The following CLYBL variants were observed in gnomAD, a reference collection of about 807,000 sequenced individuals.
The protein encoded by CLYBL is citramalyl-CoA lyase, mitochondrial.
In CLYBL, 31 loss-of-function variants were observed where a neutral mutation model predicts 38.9. That is an observed-to-expected ratio of 0.80 (90% CI 0.60 to 1.08). The LOEUF (loss-of-function observed/expected upper bound fraction) is 1.08. CLYBL is among the 50% of genes least tolerant of loss of function. The pLI, the probability that CLYBL is intolerant of heterozygous loss-of-function variation, is 0.00. For synonymous variants in CLYBL, 171 were observed against 158.6 expected, an observed-to-expected ratio of 1.08 and a Z score of -0.59; for missense variants, 434 against 411.6, an observed-to-expected ratio of 1.05 and a Z score of -0.47.
At chr13:99,612,737 C>T (rs2046647642) in intron 1 of CLYBL, among the ~76,000 whole-genome samples, 1 of 152,036 alleles carries the variant, frequency 6.6e-6, no homozygotes, top group Admixed American at 6.6e-5. Flanking sequence ...TACAGCCATG[C>T]TTGGTGGCTC....
At chr13:99,791,992 C>T (rs1311455945) in intron 2 of CLYBL, among the ~76,000 whole-genome samples, 4 of 152,172 alleles carry the variant, frequency 2.6e-5, no homozygotes, top group South Asian at 4.1e-4. Flanking sequence ...GCCAGAAAAA[C>T]GCCACTTTTC....
rs555974567 is a variant in CLYBL at position 99,877,825 on chromosome 13, G to A, written c.927+6763G>A. The A allele has an allele frequency of 8.0e-5, 13 of 163,204 alleles. No individual in the cohort carries two copies. The South Asian group carries it at 1.5e-3, about 19-fold the overall frequency. 10.1% of individuals were successfully genotyped at this position (163,204 alleles called of 1,614,324 possible). A position where few individuals can be genotyped will look rare whatever the true frequency, so the allele number is the denominator to read the frequency against. ...CTGACCTCATGATCTGCCCACCTCC[G>A]CCTCCCAAAGTGCTGGGATTACAGG... On this transcript the variant is annotated intron_variant, in intron 7 of 8. Transcript: ENST00000339105.
intron 1 of CLYBL, among the ~76,000 whole-genome samples, chr13:99,633,757 C>T (rs1402998582): frequency 6.6e-6 from 1 of 151,922 alleles, no homozygotes; most frequent in African/African-American, 2.4e-5. Context: ...GGTGAAAATA[C>T]ATGAACTAAA....
chr13:99,875,708 A>G (rs1460315454), intron 7 of CLYBL, among the ~76,000 whole-genome samples: 2 of 152,214 alleles, frequency 1.3e-5, no homozygotes, highest in Non-Finnish European at 2.9e-5. Flanking sequence ...ACTATTAGAC[A>G]ACAGTGTATC....
chr13:99,620,250 C>T (rs2046772466), intron 1 of CLYBL, among the ~76,000 whole-genome samples: 1 of 152,192 alleles, frequency 6.6e-6, no homozygotes, highest in African/African-American at 2.4e-5. Flanking sequence ...GAAGTGGATA[C>T]CTGATTTTGG....
intron 2 of CLYBL, among the ~76,000 whole-genome samples, chr13:99,852,802 C>G (rs1031161012): frequency 1.3e-5 from 2 of 152,184 alleles, no homozygotes; most frequent in Admixed American, 6.5e-5. Flanking sequence ...AACCAATATA[C>G]TATACACACC....
intron 3 of CLYBL, among the ~76,000 whole-genome samples, chr13:99,859,490 A>G (rs2051546456): frequency 6.6e-6 from 1 of 152,216 alleles, no homozygotes; most frequent in Admixed American, 6.5e-5. Context: ...CCGCATATGA[A>G]AAAATGAACC....
At chr13:99,606,808 C>G (rs1281148440) in intron 1 of CLYBL, 51 bp downstream of exon 1, 1 of 1,338,800 alleles carries the variant, frequency 7.5e-7, no homozygotes. Flanking sequence ...CGCCGCGGGT[C>G]GGCTCCTGTT....
In CLYBL at chr13:99,712,785, C is replaced by T. The variant is rs149563152; in HGVS notation, c.63-60039C>T. On this transcript the variant is annotated intron_variant, in intron 1 of 8. Transcript: ENST00000339105. ...CTGGAGTCTTCTATCCTGAACTTGTCGCTTTCTAGGCCAGCTGCATTTCTG... is the reference window on the plus strand; with the variant it reads ...CTGGAGTCTTCTATCCTGAACTTGTTGCTTTCTAGGCCAGCTGCATTTCTG... Among the ~76,000 whole-genome samples, 390 of 152,246 alleles carry T rather than the reference C, an allele frequency of 2.6e-3. 1 individual carries two copies. Among genetic ancestry groups the T allele is most frequent in the African/African-American group, 8.8e-3 (365 of 41,548 alleles).
intron 1 of CLYBL, among the ~76,000 whole-genome samples, chr13:99,644,143 GTGGTGTATGTATGTA>G (rs2047138777): frequency 6.6e-6 from 1 of 151,540 alleles, no homozygotes; most frequent in African/African-American, 2.4e-5. Flanking sequence ...GTATGTATAT[GTGGTGTATGTATGTA>G]TATGTGGTGT....
intron 1 of CLYBL, among the ~76,000 whole-genome samples, chr13:99,697,973 G>A (rs76893790): frequency 0.02 from 3,011 of 152,158 alleles, 80 homozygotes; most frequent in African/African-American, 0.068. Flanking sequence ...AAAGCACCAG[G>A]GCAGCAGGGC....
chr13:99,782,034 T>G (rs1319481511), intron 2 of CLYBL, among the ~76,000 whole-genome samples: 2 of 152,250 alleles, frequency 1.3e-5, no homozygotes, highest in Non-Finnish European at 2.9e-5. Context: ...ATATTATTGC[T>G]ATCTACAGTA....
At chr13:99,731,082 CAAAAAA>C (rs764705741) in intron 1 of CLYBL, among the ~76,000 whole-genome samples, 15 of 57,014 alleles carry the variant, frequency 2.6e-4, no homozygotes, top group Admixed American at 7.7e-4. Context: ...GACTCTGTTT[CAAAAAA>C]AAAAAAAAAA....
intron 1 of CLYBL, among the ~76,000 whole-genome samples, chr13:99,702,292 T>G (rs761457333): frequency 6.6e-6 from 1 of 152,126 alleles, no homozygotes; most frequent in African/African-American, 2.4e-5. Flanking sequence ...CACATATTTT[T>G]AAGTCTGCTT....
At chr13:99,844,065 G>A (rs1331723560) in intron 2 of CLYBL, among the ~76,000 whole-genome samples, 3 of 152,242 alleles carry the variant, frequency 2.0e-5, no homozygotes, top group Non-Finnish European at 4.4e-5. Flanking sequence ...TGTGGTTGCC[G>A]TACTGGCCGG....
At chr13:99,713,982 G>A (rs2048274651) in intron 1 of CLYBL, among the ~76,000 whole-genome samples, 2 of 146,942 alleles carry the variant, frequency 1.4e-5, no homozygotes, top group Non-Finnish European at 3.0e-5. Flanking sequence ...CATGGCACCT[G>A]GCCGTGTTTG....
intron 1 of CLYBL, among the ~76,000 whole-genome samples, chr13:99,739,778 C>T (rs1030346438): frequency 2.6e-5 from 4 of 152,126 alleles, no homozygotes. Flanking sequence ...GTTCCAAGAC[C>T]AGCCTAACCA....
chr13:99,730,235 CTGCA>C (rs558727122), intron 1 of CLYBL, among the ~76,000 whole-genome samples: 115 of 152,374 alleles, frequency 7.5e-4, no homozygotes, highest in African/African-American at 2.5e-3. Context: ...CCTCACTTTT[CTGCA>C]TCCATGTACT....
intron 1 of CLYBL, among the ~76,000 whole-genome samples, chr13:99,676,197 C>T (rs2047645037): frequency 1.6e-5 from 1 of 63,036 alleles, no homozygotes. Flanking sequence ...TCCTTCCTTC[C>T]TTCCTTCCTT....
Sources: allele counts gnomAD v4.1 joint callset (sites outside exome capture counted in the v4.1 genomes callset), GRCh38; gene constraint gnomAD v4.1.1; transcripts MANE v1.5; gene names NCBI Gene and HGNC (gene_info 2026-07-23, HGNC 2026-07-21).